The following RNF130 variants were observed in gnomAD, a reference collection of about 807,000 sequenced individuals.
RNF130 encodes the protein ring finger protein 130.
In RNF130, 21 loss-of-function variants were observed where a neutral mutation model predicts 44.6. The observed-to-expected ratio is 0.47, with a 90% CI of 0.33 to 0.68. The LOEUF (loss-of-function observed/expected upper bound fraction) is 0.68, where lower values mean the gene tolerates loss of function less well. Ranked by LOEUF, RNF130 falls within the 30% of genes least tolerant of loss-of-function variation. The probability of loss-of-function intolerance (pLI) is 0.02; values close to 1 mark genes in which losing one functional copy is unlikely to be tolerated. For synonymous variants in RNF130, 214 were observed against 210.4 expected, an observed-to-expected ratio of 1.02 and a Z score of -0.15; for missense variants, 479 against 560.6, an observed-to-expected ratio of 0.85 and a Z score of 1.47.
At chr5:179,957,303 T>C (rs1762232629) in intron 8 of RNF130, among the ~76,000 whole-genome samples, 1 of 152,068 alleles carries the variant, frequency 6.6e-6, no homozygotes, top group African/African-American at 2.4e-5. Flanking sequence ...TCCCAGCTAC[T>C]CGGGAAGCTG....
chr5:179,962,473 T>A (rs1256862662), intron 8 of RNF130, among the ~76,000 whole-genome samples: 1 of 152,188 alleles, frequency 6.6e-6, no homozygotes, highest in Non-Finnish European at 1.5e-5. Flanking sequence ...CGTAATTGAA[T>A]ATGGAGATCA....
chr5:179,933,952 G>A (rs777705050), intron 7 of RNF130: 3 of 430,622 alleles, frequency 7.0e-6, no homozygotes, highest in Non-Finnish European at 1.3e-5. Flanking sequence ...AGATCTTTGA[G>A]CTGCACCTCC....
At chr5:179,985,442 C>A (rs1762931932) in intron 3 of RNF130, among the ~76,000 whole-genome samples, 1 of 152,068 alleles carries the variant, frequency 6.6e-6, no homozygotes, top group African/African-American at 2.4e-5. Context: ...GGACCCCCTG[C>A]TCTAGAGGTT....
chr5:180,023,180 T>A (rs1367299411), intron 2 of RNF130, among the ~76,000 whole-genome samples: 2 of 152,222 alleles, frequency 1.3e-5, no homozygotes. Flanking sequence ...GACATAAGTA[T>A]GAACTCATTG....
intron 3 of RNF130, among the ~76,000 whole-genome samples, chr5:179,998,984 CTTT>C (rs1421621627): frequency 6.7e-6 from 1 of 148,564 alleles, no homozygotes; most frequent in African/African-American, 2.5e-5. Flanking sequence ...TTATGATCTT[CTTT>C]GTCTTTTATT....
At chr5:179,982,101 T>C (rs923390781) in intron 3 of RNF130, among the ~76,000 whole-genome samples, 1 of 152,066 alleles carries the variant, frequency 6.6e-6, no homozygotes, top group Non-Finnish European at 1.5e-5. Context: ...CTTTTTGCTG[T>C]AACAGTCTGC....
chr5:180,052,774 T>G, intron 1 of RNF130, among the ~76,000 whole-genome samples: 1 of 152,122 alleles, frequency 6.6e-6, no homozygotes, highest in Admixed American at 6.5e-5. Context: ...AATCAGTCCC[T>G]ACGGAGGATT....
chr5:179,937,371 T>TA (rs1761906272), intron 7 of RNF130, among the ~76,000 whole-genome samples: 1 of 152,112 alleles, frequency 6.6e-6, no homozygotes, highest in African/African-American at 2.4e-5. Context: ...ACAACCTGAT[T>TA]AAAAAATGGG....
At chr5:179,953,537 C>T (rs112946567), downstream of RNF130, among the ~76,000 whole-genome samples, 851 of 152,244 alleles carry the variant, frequency 5.6e-3, 5 homozygotes, top group African/African-American at 0.019. Context: ...AAAAAAGTCT[C>T]TTAAACAAAT....
At chr5:180,044,572 G>A (rs1437882292) in intron 1 of RNF130, among the ~76,000 whole-genome samples, 9 of 152,046 alleles carry the variant, frequency 5.9e-5, no homozygotes, top group Admixed American at 2.0e-4. Context: ...GGTGGCTCAC[G>A]CTTGTAATCC....
At chr5:180,056,205 G>C (rs138048850) in intron 1 of RNF130, among the ~76,000 whole-genome samples, 1 of 151,732 alleles carries the variant, frequency 6.6e-6, no homozygotes, top group Non-Finnish European at 1.5e-5. Context: ...ATTTATTCCC[G>C]CTGTTACTCT....
chr5:179,998,099 A>G (rs1415309848), intron 3 of RNF130, among the ~76,000 whole-genome samples: 1 of 152,228 alleles, frequency 6.6e-6, no homozygotes, highest in Non-Finnish European at 1.5e-5. Context: ...TTGGCCTCCC[A>G]AAGTGCTGCG....
At chr5:180,065,951 T>C (rs1765097548) in intron 1 of RNF130, among the ~76,000 whole-genome samples, 1 of 152,118 alleles carries the variant, frequency 6.6e-6, no homozygotes, top group Admixed American at 6.6e-5. Flanking sequence ...AGATAAAAAT[T>C]TTACATATTG....
chr5:179,976,314 C>A (rs145377859), intron 5 of RNF130, among the ~76,000 whole-genome samples: 7 of 152,334 alleles, frequency 4.6e-5, no homozygotes, highest in Non-Finnish European at 7.3e-5. Flanking sequence ...GTAATATACC[C>A]ATGAATGGTT....
chr5:179,980,992 G>A (rs1246225025), intron 3 of RNF130, among the ~76,000 whole-genome samples: 1 of 152,172 alleles, frequency 6.6e-6, no homozygotes. Context: ...GCGACTAGGA[G>A]GGGTGGGGCG....
At chr5:180,033,628 A>C (rs545187731) in intron 2 of RNF130, among the ~76,000 whole-genome samples, 1 of 152,118 alleles carries the variant, frequency 6.6e-6, no homozygotes, top group African/African-American at 2.4e-5. Flanking sequence ...CCCAGGAGGC[A>C]GAGATTGCAG....
intron 1 of RNF130, among the ~76,000 whole-genome samples, chr5:180,052,995 GA>G (rs1309651976): frequency 6.6e-6 from 1 of 152,018 alleles, no homozygotes; most frequent in African/African-American, 2.4e-5. Flanking sequence ...TATTCAGAGG[GA>G]AAAAAAGGAT....
At chr5:180,002,900 T>C (rs990493702) in intron 3 of RNF130, among the ~76,000 whole-genome samples, 6 of 152,146 alleles carry the variant, frequency 3.9e-5, no homozygotes, top group Non-Finnish European at 8.8e-5. Flanking sequence ...GTCATTTTCC[T>C]AAGGTAACTC....
chr5:179,997,580 G>T (rs1763234342), intron 3 of RNF130, among the ~76,000 whole-genome samples: 1 of 151,820 alleles, frequency 6.6e-6, no homozygotes, highest in South Asian at 2.1e-4. Flanking sequence ...TGCCTGCTTC[G>T]GTCTCCCAAA....
Sources: gnomAD v4.1 joint callset for allele counts (sites outside exome capture counted in the v4.1 genomes callset) on GRCh38, gnomAD v4.1.1 for gene constraint, MANE v1.5 for transcripts, NCBI Gene and HGNC (gene_info 2026-07-23, HGNC 2026-07-21) for gene names.